NFKB1: variants seen among roughly 807,000 people sequenced by gnomAD.
The protein encoded by NFKB1 is nuclear factor NF-kappa-B p105 subunit.
In NFKB1, 9 loss-of-function variants were observed where a neutral mutation model predicts 105.1. The ratio of observed to expected loss-of-function variants is 0.09; its 90% CI spans 0.05 to 0.15. NFKB1 has a LOEUF of 0.15. Ranked by LOEUF, NFKB1 falls within the 10% of genes least tolerant of loss-of-function variation. NFKB1 has a pLI of 1.00. For synonymous variants in NFKB1, 440 were observed against 442.2 expected, an observed-to-expected ratio of 1.00 and a Z score of 0.06; for missense variants, 830 against 1,203.7, an observed-to-expected ratio of 0.69 and a Z score of 4.59.
intron 6 of NFKB1, 129 bp downstream of exon 6, chr4:102,567,264 T>C (rs1340190038): frequency 1.3e-5 from 13 of 971,274 alleles, no homozygotes; most frequent in Non-Finnish European, 1.7e-5. Context: ...AAAAACTGTG[T>C]AAACTTGTGC....
intron 1 of NFKB1, among the ~76,000 whole-genome samples, chr4:102,513,258 C>A (rs1473747522): frequency 6.6e-6 from 1 of 152,164 alleles, no homozygotes; most frequent in Non-Finnish European, 1.5e-5. Flanking sequence ...TGGTAGGCAG[C>A]AATATCTCAG....
At chr4:102,566,917 T>C in intron 5 of NFKB1, 70 bp from the exon 6 acceptor site, 3 of 1,526,696 alleles carry the variant, frequency 2.0e-6, no homozygotes, top group Non-Finnish European at 2.7e-6. Context: ...CTTACTGGCT[T>C]ATCATAAACA....
chr4:102,534,414 T>C (rs1741501779), intron 4 of NFKB1, among the ~76,000 whole-genome samples: 1 of 152,184 alleles, frequency 6.6e-6, no homozygotes, highest in African/African-American at 2.4e-5. Flanking sequence ...TTGAATTCTC[T>C]TCCCTCTGGT....
intron 1 of NFKB1, chr4:102,510,944 C>T (rs891774260): frequency 8.6e-6 from 11 of 1,282,778 alleles, no homozygotes; most frequent in Non-Finnish European, 1.0e-5. Flanking sequence ...TGAAAAGAAC[C>T]ACCAGGTAAA....
In NFKB1 at chr4:102,606,119, A is replaced by G. The variant is rs538282367; in HGVS notation, c.1753-377A>G. The stretch of plus-strand genomic sequence containing the variant: ...CTTGTAAATATGAAAATAACCCACC[A>G]CAGAAAAAATTGTAAGTATATGAAG... On this transcript the variant is annotated intron_variant, in intron 16 of 23. Coordinates refer to ENST00000226574, the MANE Select transcript of NFKB1 (RefSeq NM_003998.4). Among the ~76,000 whole-genome samples the G allele has an allele frequency of 9.9e-4, 151 of 152,388 alleles. 1 individual carries two copies. The highest frequency in any genetic ancestry group is 1.9e-3 in the South Asian group (9 of 4,834).
At chr4:102,607,528 G>A in intron 18 of NFKB1, 121 bp from the exon 19 acceptor site, 2 of 1,205,304 alleles carry the variant, frequency 1.7e-6, no homozygotes, top group Non-Finnish European at 2.4e-6. Context: ...CAATGACAGA[G>A]CCAGCCCAAA....
Position 102,597,584 on chromosome 4 carries a change from C to T in NFKB1, c.1560C>T (p.Tyr520=), listed in dbSNP as rs776192312. The T allele has an allele frequency of 2.0e-5, 33 of 1,613,828 alleles. No individual in the cohort carries two copies. The highest frequency in any genetic ancestry group is 2.4e-5 in the Non-Finnish European group (28 of 1,179,932). The part of the protein sequence containing the change: ...AKRHANALFD[Y]AVTGDVKMLL... ...GGCATGCCAATGCCCTTTTCGACTACGCGGTGACAGGAGACGTGAAGATGC... is the reference window on the plus strand; with the variant it reads ...GGCATGCCAATGCCCTTTTCGACTATGCGGTGACAGGAGACGTGAAGATGC... The change falls in exon 15 of 24, where the codon TAC becomes TAT. Residue 520 remains tyrosine, a synonymous_variant. Transcript: ENST00000226574.
In NFKB1 at chr4:102,600,996, A is replaced by G; in HGVS notation, c.1739A>G (p.Asn580Ser). ...LISDDIINMR[N>S]DLYQTPLHLA... ...TCTGATGACATTATCAACATGAGAA[A>G]TGATCTGTACCAGGTAAGCAGAAAT... Residue 580 changes from asparagine to serine, a missense_variant, in exon 16 of 24, where the codon AAT becomes AGT. By Grantham distance (46) the Asn-to-Ser change is conservative. Coordinates refer to ENST00000226574, the MANE Select transcript of NFKB1 (RefSeq NM_003998.4). 1 of 1,591,012 alleles carries G rather than the reference A, an allele frequency of 6.3e-7. No homozygotes were observed. Among genetic ancestry groups the G allele is most frequent in the Non-Finnish European group, 8.6e-7 (1 of 1,159,258 alleles).
chr4:102,573,778 G>A (rs184930126), intron 6 of NFKB1, among the ~76,000 whole-genome samples: 18 of 151,712 alleles, frequency 1.2e-4, no homozygotes, highest in Non-Finnish European at 2.7e-4. Flanking sequence ...GTGTCTGCAC[G>A]TTCACCAATA....
chr4:102,508,319 AATG>A (rs1221267970), intron 1 of NFKB1, among the ~76,000 whole-genome samples: 4 of 152,194 alleles, frequency 2.6e-5, no homozygotes, highest in African/African-American at 9.6e-5. Flanking sequence ...ATAAAATTAA[AATG>A]ATGATGATGT....
intron 5 of NFKB1, among the ~76,000 whole-genome samples, chr4:102,541,424 G>T (rs191147503): frequency 6.6e-6 from 1 of 152,280 alleles, no homozygotes; most frequent in South Asian, 2.1e-4. Flanking sequence ...TATAATTTCT[G>T]TTAGAATATC....
chr4:102,528,215 GGAAA>G (rs762318391), intron 2 of NFKB1, among the ~76,000 whole-genome samples: 46 of 152,172 alleles, frequency 3.0e-4, no homozygotes, highest in Non-Finnish European at 5.3e-4. Flanking sequence ...AGCCACCACA[GGAAA>G]GAGTTTTCCT....
intron 6 of NFKB1, among the ~76,000 whole-genome samples, chr4:102,568,246 GCTTT>G (rs894275262): frequency 7.9e-5 from 12 of 151,900 alleles, no homozygotes; most frequent in African/African-American, 2.9e-4. Context: ...TAGAGAGAGA[GCTTT>G]CTTTTAAGTC....
chr4:102,528,455 T>C (rs1395141612), intron 2 of NFKB1, among the ~76,000 whole-genome samples: 2 of 152,090 alleles, frequency 1.3e-5, no homozygotes, highest in African/African-American at 4.8e-5. Flanking sequence ...TAAACGAGAT[T>C]TTTCTTACTC....
chr4:102,583,951 T>C (rs1383451572), intron 10 of NFKB1, among the ~76,000 whole-genome samples: 1 of 152,188 alleles, frequency 6.6e-6, no homozygotes, highest in Non-Finnish European at 1.5e-5. Context: ...TGTTAAAATA[T>C]TTTAAAAGAT....
intron 6 of NFKB1, among the ~76,000 whole-genome samples, chr4:102,570,435 C>A (rs1447817547): frequency 1.3e-5 from 2 of 152,042 alleles, no homozygotes; most frequent in East Asian, 3.9e-4. Flanking sequence ...ATATATGTAC[C>A]ACATTTTCTT....
chr4:102,578,110 ATTCT>A lies in NFKB1; in HGVS notation c.572-766_572-763del, dbSNP rs539047866. The A allele has an allele frequency of 2.2e-3, 957 of 428,448 alleles. 5 individuals are homozygous for A. The highest frequency in any genetic ancestry group is 0.017 in the African/African-American group (774 of 46,420). The allele number at this position is 428,448 out of a possible 1,614,324, so 26.5% of individuals were successfully genotyped here. On this transcript the variant is annotated intron_variant, in intron 7 of 23. Coordinates refer to ENST00000226574, the MANE Select transcript of NFKB1 (RefSeq NM_003998.4). ...ATTTCTCACTTTCCTGCCTTGGCAC[ATTCT>A]TTCTATTTTTGCTCTCTCCTCTTCC... is the stretch of plus-strand genomic sequence containing the variant.
chr4:102,583,028 G>A (rs539421347), intron 10 of NFKB1, 71 bp downstream of exon 10: 1 of 1,037,128 alleles, frequency 9.6e-7, no homozygotes. Context: ...CACCCAGGCT[G>A]CAGTGCAGTG....
chr4:102,609,158 C>CAAAAAAAAAA (rs372174091), intron 19 of NFKB1, among the ~76,000 whole-genome samples: 27 of 97,364 alleles, frequency 2.8e-4, no homozygotes, highest in African/African-American at 8.3e-4. Context: ...GACCCTGTCT[C>CAAAAAAAAAA]AAAAAAAAAA....
Sources: allele counts gnomAD v4.1 joint callset (sites outside exome capture counted in the v4.1 genomes callset), GRCh38; gene constraint gnomAD v4.1.1; transcripts MANE v1.5; gene names NCBI Gene and HGNC (gene_info 2026-07-23, HGNC 2026-07-21).